Variants in VSTM4 observed in about 807,000 individuals in gnomAD.
VSTM4 encodes the protein V-set and transmembrane domain containing 4, also known as V-set and transmembrane domain-containing protein 4.
VSTM4 carries 20 observed loss-of-function variants against 36.4 expected under a neutral mutation model. The ratio of observed to expected loss-of-function variants is 0.55; its 90% CI spans 0.39 to 0.80. VSTM4 has a LOEUF of 0.80. Ranked by LOEUF, VSTM4 falls within the 30% of genes least tolerant of loss-of-function variation. The probability of loss-of-function intolerance (pLI) is 0.00; values close to 1 mark genes in which losing one functional copy is unlikely to be tolerated. For synonymous variants in VSTM4, 182 were observed against 173.9 expected, an observed-to-expected ratio of 1.05 and a Z score of -0.37; for missense variants, 392 against 404.5, an observed-to-expected ratio of 0.97 and a Z score of 0.26.
intron 2 of VSTM4, among the ~76,000 whole-genome samples, chr10:49,100,050 A>G (rs191108664): frequency 6.6e-6 from 1 of 152,298 alleles, no homozygotes; most frequent in Admixed American, 6.5e-5. Flanking sequence ...AAGGAAAAGG[A>G]AAAAGAAAAG....
At chr10:49,096,917 T>G (rs1276885835) in intron 2 of VSTM4, among the ~76,000 whole-genome samples, 2 of 152,012 alleles carry the variant, frequency 1.3e-5, no homozygotes, top group South Asian at 2.1e-4. Flanking sequence ...CCTCCCAAAG[T>G]TCTAGGATTA....
intron 5 of VSTM4, among the ~76,000 whole-genome samples, chr10:49,062,932 T>A (rs951234304): frequency 6.6e-6 from 1 of 152,204 alleles, no homozygotes; most frequent in African/African-American, 2.4e-5. Context: ...ACTTTTTAGT[T>A]CTATAATTTC....
chr10:49,023,351 C>G (rs965960949), intron 7 of VSTM4, among the ~76,000 whole-genome samples: 1 of 152,210 alleles, frequency 6.6e-6, no homozygotes, highest in Non-Finnish European at 1.5e-5. Flanking sequence ...AAATAAATTC[C>G]TAATGGCCAA....
chr10:49,082,087 A>G (rs1442879127), intron 3 of VSTM4, among the ~76,000 whole-genome samples: 1 of 152,124 alleles, frequency 6.6e-6, no homozygotes, highest in Admixed American at 6.5e-5. Flanking sequence ...AATTCCTACG[A>G]CTGCAGAGTC....
At chr10:49,025,655 C>G (rs1297161125) in intron 7 of VSTM4, among the ~76,000 whole-genome samples, 1 of 152,228 alleles carries the variant, frequency 6.6e-6, no homozygotes, top group Non-Finnish European at 1.5e-5. Flanking sequence ...ATGAAGGGCA[C>G]CTGGCTCCAG....
chr10:49,045,400 T>C (rs1429002120), intron 7 of VSTM4, among the ~76,000 whole-genome samples: 1 of 151,966 alleles, frequency 6.6e-6, no homozygotes, highest in Non-Finnish European at 1.5e-5. Flanking sequence ...AAATAATACA[T>C]CTAGAAAGAT....
chr10:49,098,445 T>C (rs150022420), intron 2 of VSTM4, among the ~76,000 whole-genome samples: 108 of 152,350 alleles, frequency 7.1e-4, no homozygotes, highest in African/African-American at 2.5e-3. Context: ...GACCTCTTAA[T>C]GTCTCCCCAT....
chr10:49,083,961 A>G (rs1844325634), intron 3 of VSTM4, among the ~76,000 whole-genome samples: 1 of 152,184 alleles, frequency 6.6e-6, no homozygotes, highest in South Asian at 2.1e-4. Context: ...ATTCTGATGC[A>G]TCTGATGATA....
chr10:49,099,342 G>A (rs1349589263), intron 2 of VSTM4, among the ~76,000 whole-genome samples: 1 of 152,212 alleles, frequency 6.6e-6, no homozygotes, highest in Non-Finnish European at 1.5e-5. Flanking sequence ...ATGTATTGCT[G>A]TGCTGTTTTT....
At chr10:49,050,606 C>T (rs1166631629) in intron 5 of VSTM4, among the ~76,000 whole-genome samples, 1 of 151,978 alleles carries the variant, frequency 6.6e-6, no homozygotes, top group African/African-American at 2.4e-5. Flanking sequence ...TCACAAATAG[C>T]CAAAAAGAAT....
chr10:49,095,168 A>C (rs1298996125), intron 2 of VSTM4, among the ~76,000 whole-genome samples: 2 of 152,202 alleles, frequency 1.3e-5, no homozygotes, highest in Non-Finnish European at 2.9e-5. Context: ...GGCTATCTTT[A>C]TGTCCCCAAT....
At chr10:49,028,051 G>A (rs918494838) in intron 7 of VSTM4, among the ~76,000 whole-genome samples, 2 of 152,134 alleles carry the variant, frequency 1.3e-5, no homozygotes, top group Admixed American at 6.5e-5. Flanking sequence ...AAGCATGAGC[G>A]TTTCAATTGC....
At chr10:49,107,460 G>T in intron 2 of VSTM4, 134 bp downstream of exon 2, 1 of 1,161,460 alleles carries the variant, frequency 8.6e-7, no homozygotes. Flanking sequence ...ACTCATGTCT[G>T]TGACCAACAG....
In VSTM4 at chr10:49,030,633, T is replaced by C. The variant is rs186371319; in HGVS notation, c.838-10858A>G. ...GTTGGACGAACTCACTCAGAAATCA[T>C]GAGCAGAGCAAATTCGCCTCAGGTC... On this transcript the variant is annotated intron_variant, in intron 7 of 7. Transcript: ENST00000332853. Among the ~76,000 whole-genome samples the C allele has an allele frequency of 2.7e-3, 418 of 152,306 alleles. 3 individuals are homozygous for C. Among genetic ancestry groups the C allele is most frequent in the African/African-American group, 9.6e-3 (398 of 41,560 alleles).
intron 2 of VSTM4, 113 bp downstream of exon 2, chr10:49,107,481 G>A: frequency 7.4e-7 from 1 of 1,359,274 alleles, no homozygotes; most frequent in African/African-American, 1.5e-5. Flanking sequence ...AGGCCCACAA[G>A]ATATGTTCTA....
intron 2 of VSTM4, among the ~76,000 whole-genome samples, chr10:49,090,201 A>C (rs1246274583): frequency 6.6e-6 from 1 of 152,240 alleles, no homozygotes; most frequent in Non-Finnish European, 1.5e-5. Context: ...GTTTCCAATG[A>C]GTTCAGCAAT....
intron 3 of VSTM4, among the ~76,000 whole-genome samples, chr10:49,082,039 C>G (rs530090781): frequency 1.6e-4 from 24 of 152,154 alleles, no homozygotes; most frequent in Non-Finnish European, 3.4e-4. Context: ...TCTCTGCAAA[C>G]AACAGTTAAA....
chr10:49,076,000 A>C (rs1228197950), intron 4 of VSTM4, among the ~76,000 whole-genome samples: 1 of 152,168 alleles, frequency 6.6e-6, no homozygotes, highest in Non-Finnish European at 1.5e-5. Context: ...AGCTGCAGCT[A>C]ACGCATGGTG....
intron 4 of VSTM4, among the ~76,000 whole-genome samples, chr10:49,076,974 T>C (rs1352240773): frequency 6.6e-6 from 1 of 151,454 alleles, no homozygotes; most frequent in Non-Finnish European, 1.5e-5. Flanking sequence ...TTCAGGGAGA[T>C]TGACAGCAGG....
Sources: allele counts gnomAD v4.1 joint callset (sites outside exome capture counted in the v4.1 genomes callset), GRCh38; gene constraint gnomAD v4.1.1; transcripts MANE v1.5; gene names NCBI Gene and HGNC (gene_info 2026-07-23, HGNC 2026-07-21).